Variants in ATG4B observed in about 807,000 individuals in gnomAD.
ATG4B encodes autophagy related 4B cysteine peptidase.
In ATG4B, 29 loss-of-function variants were observed where a neutral mutation model predicts 56.6. That is an observed-to-expected ratio of 0.51 (90% CI 0.38 to 0.70). The LOEUF is 0.70. Ranked by LOEUF, ATG4B falls within the 30% of genes least tolerant of loss-of-function variation. The pLI is 0.00. For missense variants in ATG4B, 461 were observed against 515.5 expected (o/e 0.89, Z 1.02); for synonymous variants, 224 against 206.1 (o/e 1.09, Z -0.74).
chr2:241,654,739 G>A, intron 5 of ATG4B, 92 bp downstream of exon 5: 3 of 1,024,098 alleles, frequency 2.9e-6, no homozygotes, highest in Non-Finnish European at 4.4e-6. Context: ...TGGTGTCGTG[G>A]GATGTGGAGC....
rs1054935260 is a variant in ATG4B at position 241,672,531 on chromosome 2, A to G, written c.*267A>G. ...GGAGCTTCCAGAGTGTTCTCTCGAC[A>G]CTGCCAGCCCCGTGTTAGCACCTGG... is the stretch of plus-strand genomic sequence containing the variant. On this transcript the variant is annotated 3_prime_UTR_variant, in exon 13 of 13. Transcript: ENST00000404914. The G allele has an allele frequency of 1.4e-5, 7 of 499,472 alleles. No individual in the cohort carries two copies. The highest frequency in any genetic ancestry group is 1.4e-4 in the African/African-American group (7 of 51,844). 30.9% of individuals were successfully genotyped at this position (499,472 alleles called of 1,614,324 possible).
intron 6 of ATG4B, among the ~76,000 whole-genome samples, chr2:241,658,850 A>C (rs35971128): frequency 0.012 from 1,753 of 152,232 alleles, 101 homozygotes; most frequent in Admixed American, 0.097. Context: ...GGCCACTCAA[A>C]AGCCTCTTGC....
At chr2:241,672,101 C>A in intron 12 of ATG4B, 90 bp from the exon 13 acceptor site, 1 of 1,526,380 alleles carries the variant, frequency 6.6e-7, no homozygotes, top group Non-Finnish European at 8.8e-7. Context: ...AGAGCAGGCA[C>A]TGCTCAGTCT....
At chr2:241,639,017 G>A (rs558615296) in intron 1 of ATG4B, among the ~76,000 whole-genome samples, 13 of 152,276 alleles carry the variant, frequency 8.5e-5, no homozygotes, top group African/African-American at 2.6e-4. Flanking sequence ...CAGGCTCGCC[G>A]CAGGAGATAC....
At chr2:241,643,663 C>CGT (rs369340875) in intron 1 of ATG4B, among the ~76,000 whole-genome samples, 45,333 of 135,394 alleles carry the variant, frequency 0.33, 7,887 homozygotes, top group East Asian at 0.43. Flanking sequence ...TATATATATA[C>CGT]GTGTGTGTGT....
intron 7 of ATG4B, among the ~76,000 whole-genome samples, chr2:241,663,372 T>C (rs1382648312): frequency 1.3e-5 from 2 of 152,178 alleles, no homozygotes; most frequent in Non-Finnish European, 2.9e-5. Flanking sequence ...AAACCCTAGA[T>C]TGTGACAGCA....
At position 241,673,319 on chromosome 2, in the gene ATG4B, T is replaced by G; in HGVS notation, c.*1055T>G. On this transcript the variant is annotated 3_prime_UTR_variant, in exon 13 of 13. Transcript: ENST00000404914. ...ACCCTGTGTAACCTGCTGTCCCGGGTCCCAGAGTGCACTCTGCCCCGCTGC... is the reference window on the plus strand; with the variant it reads ...ACCCTGTGTAACCTGCTGTCCCGGGGCCCAGAGTGCACTCTGCCCCGCTGC... The G allele has an allele frequency of 2.9e-6, 1 of 350,078 alleles. No individual in the cohort carries two copies. The highest frequency in any genetic ancestry group is 5.7e-6 in the Non-Finnish European group (1 of 175,946). 21.7% of individuals were successfully genotyped at this position (350,078 alleles called of 1,614,324 possible). A position where few individuals can be genotyped will look rare whatever the true frequency, so the allele number is the denominator to read the frequency against.
intron 6 of ATG4B, among the ~76,000 whole-genome samples, chr2:241,657,546 A>G (rs1364231807): frequency 6.6e-6 from 1 of 150,916 alleles, no homozygotes; most frequent in Non-Finnish European, 1.5e-5. Context: ...CTCGTGATCC[A>G]CCTGCCTCAT....
intron 1 of ATG4B, among the ~76,000 whole-genome samples, chr2:241,643,964 CAG>C (rs776662436): frequency 1.3e-5 from 2 of 152,152 alleles, no homozygotes; most frequent in Non-Finnish European, 2.9e-5. Context: ...GAAATTATGA[CAG>C]GGGCTATGAA....
intron 8 of ATG4B, 103 bp downstream of exon 8, chr2:241,666,941 C>A: frequency 7.4e-7 from 1 of 1,359,458 alleles, no homozygotes; most frequent in Non-Finnish European, 9.9e-7. Context: ...GTGCAGCCGG[C>A]TCTCGGGGGA....
At chr2:241,666,556 T>A in intron 7 of ATG4B, 89 bp from the exon 8 acceptor site, 2 of 1,382,002 alleles carry the variant, frequency 1.4e-6, no homozygotes, top group Non-Finnish European at 2.0e-6. Flanking sequence ...CCGCCCTTTT[T>A]CTGTTACACA....
chr2:241,666,918 C>G, intron 8 of ATG4B, 80 bp downstream of exon 8: 1 of 1,465,034 alleles, frequency 6.8e-7, no homozygotes, highest in African/African-American at 1.4e-5. Flanking sequence ...GCATCGTCGT[C>G]ACGTGGCCAT....
intron 1 of ATG4B, among the ~76,000 whole-genome samples, chr2:241,648,879 A>G (rs780544104): frequency 2.6e-5 from 4 of 152,236 alleles, no homozygotes; most frequent in Non-Finnish European, 4.4e-5. Context: ...TTAGCTGCGC[A>G]TACAATTAAG....
Position 241,668,637 on chromosome 2 carries a change from C to T in ATG4B, c.909C>T (p.His303=). 1.3e-6 allele frequency: 2 copies of T among 1,583,368 alleles called. No homozygotes were observed. Among genetic ancestry groups the T allele is most frequent in the Non-Finnish European group, 1.7e-6 (2 of 1,165,752 alleles). The change falls in exon 10 of 13, where the codon CAC becomes CAT. Residue 303 remains histidine, a synonymous_variant. Coordinates refer to ENST00000404914, the MANE Select transcript of ATG4B (RefSeq NM_013325.5). This position sits in a 1 kb window ranked among gnomAD's most constrained non-coding sequence, Gnocchi z 4.2. ...CGGACGAGAGCTTCCACTGCCAGCA[C>T]CCGCCGTGCCGCATGAGCATCGCGG... ...FIPDESFHCQ[H]PPCRMSIAEL...
chr2:241,664,743 C>A (rs1575084792), intron 7 of ATG4B, among the ~76,000 whole-genome samples: 1 of 151,812 alleles, frequency 6.6e-6, no homozygotes, highest in Admixed American at 6.6e-5. Context: ...GTGAGCAGAT[C>A]ACTTGAGGTC....
In ATG4B at chr2:241,673,587, G is replaced by C; in HGVS notation, c.*1323G>C. 1 of 455,348 alleles carries C rather than the reference G, an allele frequency of 2.2e-6. No homozygotes were observed. The highest frequency in any genetic ancestry group is 2.3e-5 in the Admixed American group (1 of 42,562). 28.2% of individuals were successfully genotyped at this position (455,348 alleles called of 1,614,324 possible). Reference sequence around the variant, plus strand: ...CAGCCCCCCAAGCATTGAAGACATAGTGTATTTCCTCGTATCCTTTCTCCC... The same window carrying C: ...CAGCCCCCCAAGCATTGAAGACATACTGTATTTCCTCGTATCCTTTCTCCC... On this transcript the variant is annotated 3_prime_UTR_variant, in exon 13 of 13. Transcript: ENST00000404914.
In ATG4B at chr2:241,661,430, G is replaced by T. The variant is rs150184729; in HGVS notation, c.538+2243G>T. Among the ~76,000 whole-genome samples, 871 of 152,302 alleles carry T rather than the reference G, an allele frequency of 5.7e-3. 13 individuals carry two copies. The highest frequency in any genetic ancestry group is 0.02 in the African/African-American group (822 of 41,558). On this transcript the variant is annotated intron_variant, in intron 7 of 12. Coordinates refer to ENST00000404914, the MANE Select transcript of ATG4B (RefSeq NM_013325.5). ...CAAAAGCCCCAGGAGGGAGTAGTGG[G>T]GGGAGGGCAGGAAGCAGGCTGCTTT...
intron 1 of ATG4B, among the ~76,000 whole-genome samples, chr2:241,649,741 C>T (rs2068171834): frequency 2.0e-5 from 3 of 151,364 alleles, no homozygotes; most frequent in Non-Finnish European, 4.4e-5. Flanking sequence ...CCCTGGGCCT[C>T]TCTAGTTTCT....
intron 1 of ATG4B, among the ~76,000 whole-genome samples, chr2:241,639,104 C>T (rs2067798252): frequency 6.6e-6 from 1 of 152,192 alleles, no homozygotes; most frequent in African/African-American, 2.4e-5. Context: ...ACTGTATGCT[C>T]AGCCCCTGGC....
Sources: gnomAD v4.1 joint callset for allele counts (sites outside exome capture counted in the v4.1 genomes callset) on GRCh38, gnomAD v4.1.1 for gene constraint, Gnocchi (gnomAD v3.1) non-coding constraint, MANE v1.5 for transcripts, NCBI Gene and HGNC (gene_info 2026-07-23, HGNC 2026-07-21) for gene names.